The following SV2B variants were observed in gnomAD, a reference collection of about 807,000 sequenced individuals.
SV2B encodes the protein solute carrier family 22 member B2.
In SV2B, 41 loss-of-function variants were observed where a neutral mutation model predicts 73.9. The ratio of observed to expected loss-of-function variants is 0.56; its 90% CI spans 0.43 to 0.72. The LOEUF is 0.72. SV2B is among the 30% of genes least tolerant of loss of function. The pLI is 0.00. For synonymous variants in SV2B, 314 were observed against 314.2 expected (o/e 1.00, Z 0.01); for missense variants, 764 against 857.8 (o/e 0.89, Z 1.37).
chr15:91,116,009 A>C (rs993609066), intron 1 of SV2B, among the ~76,000 whole-genome samples: 1 of 152,192 alleles, frequency 6.6e-6, no homozygotes, highest in Non-Finnish European at 1.5e-5. Context: ...TATATAATAC[A>C]TTATTATATG....
Position 91,251,980 on chromosome 15 carries a change from C to T in SV2B, c.613C>T (p.Arg205Ter), listed in dbSNP as rs767247777. Residue 205 changes from arginine (R) to a stop codon, truncating the protein, a stop_gained, in exon 3 of 13, where the codon CGA becomes TGA. Transcript: ENST00000394232. LOFTEE classifies it high-confidence loss of function. ...VQGYGAFLFCRLISGIGIGGA... is the reference protein window; with the variant it reads ...VQGYGAFLFC ...GGGATATGGAGCCTTCCTCTTCTGC[C>T]GACTCATCTCAGGCATCGGGTATGT... The T allele has an allele frequency of 3.7e-6, 6 of 1,613,892 alleles. No homozygotes were observed. Among genetic ancestry groups the T allele is most frequent in the East Asian group, 2.2e-5 (1 of 44,886 alleles).
At chr15:91,208,711 T>A (rs964554022) in intron 1 of SV2B, among the ~76,000 whole-genome samples, 2 of 152,180 alleles carry the variant, frequency 1.3e-5, no homozygotes, top group Non-Finnish European at 2.9e-5. Flanking sequence ...ACCCTCTATG[T>A]AAGAAAGCAA....
Position 91,130,774 on chromosome 15 carries a change from G to A in SV2B, c.-392+30411G>A, listed in dbSNP as rs967513702. On this transcript the variant is annotated intron_variant, in intron 1 of 12. Transcript: ENST00000394232. This position sits in a 1 kb window ranked among gnomAD's most constrained non-coding sequence, Gnocchi z 5.6. ...CACGGTTCAGTGAGTCCTTCAAGAC[G>A]TTCGGAGGTGAAAGCAAGGGGAGAA... 2.6e-5 allele frequency among the ~76,000 whole-genome samples: 4 copies of A among 152,162 alleles called. No individual in the cohort carries two copies. Among genetic ancestry groups the A allele is most frequent in the Non-Finnish European group, 5.9e-5 (4 of 68,034 alleles).
At chr15:91,192,747 A>G (rs1355183929) in intron 1 of SV2B, among the ~76,000 whole-genome samples, 1 of 152,260 alleles carries the variant, frequency 6.6e-6, no homozygotes, top group Non-Finnish European at 1.5e-5. Context: ...ATTTTACAAA[A>G]TCACAGAGTT....
intron 1 of SV2B, among the ~76,000 whole-genome samples, chr15:91,168,301 C>CGAGAGAGAGAGAGAGAGA (rs113991291): frequency 0.02 from 2,744 of 137,166 alleles, 50 homozygotes; most frequent in Middle Eastern, 0.051. Context: ...TGGTGAGATA[C>CGAGAGAGAGAGAGAGAGA]GAGAGAGAGA....
chr15:91,271,949 A>G (rs778069500), intron 9 of SV2B, among the ~76,000 whole-genome samples: 3 of 152,216 alleles, frequency 2.0e-5, no homozygotes, highest in Non-Finnish European at 4.4e-5. Flanking sequence ...ATTGAGTATC[A>G]CGCATGGTGG....
chr15:91,178,550 A>T (rs1567318288), intron 1 of SV2B, among the ~76,000 whole-genome samples: 1 of 152,100 alleles, frequency 6.6e-6, no homozygotes, highest in Non-Finnish European at 1.5e-5. Context: ...TAAGCTATTG[A>T]TTATTGCCAC....
Position 91,253,692 on chromosome 15 carries a change from C to T in SV2B, c.784+1172C>T, listed in dbSNP as rs1369780734. Among the ~76,000 whole-genome samples, 5 of 152,196 alleles carry T rather than the reference C, an allele frequency of 3.3e-5. No homozygotes were observed. The highest frequency in any genetic ancestry group is 6.5e-5 in the Admixed American group (1 of 15,284). ...TTCAACCTACAGCTTACAAGGTCTC[C>T]GGTTTGGGGAAAGAGAATGGGCAGT... On this transcript the variant is annotated intron_variant, in intron 4 of 12. Coordinates refer to ENST00000394232, the MANE Select transcript of SV2B (RefSeq NM_001323032.3). This position sits in a 1 kb window ranked among gnomAD's most constrained non-coding sequence, Gnocchi z 5.0.
intron 1 of SV2B, among the ~76,000 whole-genome samples, chr15:91,135,855 C>G (rs191632545): frequency 3.3e-5 from 5 of 152,232 alleles, no homozygotes; most frequent in Admixed American, 3.3e-4. Flanking sequence ...GTTCATGAAG[C>G]CTGAATTGTA....
At position 91,240,941 on chromosome 15, in the gene SV2B, T is replaced by C. The variant is rs978066902; in HGVS notation, c.452-10878T>C. ...ACATTTCCAGGCCATTCTCCCTCTC[T>C]CCTCACTAAAAGATCTCATATTCGA... On this transcript the variant is annotated intron_variant, in intron 2 of 12. Transcript: ENST00000394232. The surrounding 1 kb of genome is among the most constrained non-coding windows in gnomAD (Gnocchi z 4.6). Among the ~76,000 whole-genome samples, 3 of 152,140 alleles carry C rather than the reference T, an allele frequency of 2.0e-5. No individual in the cohort carries two copies. The highest frequency in any genetic ancestry group is 4.4e-5 in the Non-Finnish European group (3 of 68,014).
rs565344259 is a variant in SV2B, at chr15:91,289,953, G to A, written c.1868+273G>A. 1.3e-5 allele frequency among the ~76,000 whole-genome samples: 2 copies of A among 152,308 alleles called. No homozygotes were observed. The highest frequency in any genetic ancestry group is 4.1e-4 in the South Asian group (2 of 4,826). On this transcript the variant is annotated intron_variant, in intron 12 of 12. Coordinates refer to ENST00000394232, the MANE Select transcript of SV2B (RefSeq NM_001323032.3). The surrounding 1 kb of genome is among the most constrained non-coding windows in gnomAD (Gnocchi z 4.9). ...AGAAGGAAATAAGAGTGAAAAGTTG[G>A]TAAAACCATATGTGTCATGTAATCC...
At chr15:91,215,419 T>C (rs2045991500) in intron 1 of SV2B, among the ~76,000 whole-genome samples, 1 of 152,134 alleles carries the variant, frequency 6.6e-6, no homozygotes, top group Non-Finnish European at 1.5e-5. Flanking sequence ...ACCAGGTGAT[T>C]CTCTCCTGCA....
intron 1 of SV2B, among the ~76,000 whole-genome samples, chr15:91,131,088 G>A (rs1252449363): frequency 6.6e-6 from 1 of 151,610 alleles, no homozygotes; most frequent in Non-Finnish European, 1.5e-5. Context: ...ATGAACTAGC[G>A]AGTGAGGTCA....
chr15:91,261,194 C>T lies in SV2B; in HGVS notation c.1008+785C>T, dbSNP rs1272194018. 6.6e-6 allele frequency among the ~76,000 whole-genome samples: 1 copy of T among 151,910 alleles called. No individual in the cohort carries two copies. On this transcript the variant is annotated intron_variant, in intron 6 of 12. Transcript: ENST00000394232. The surrounding 1 kb of genome is among the most constrained non-coding windows in gnomAD (Gnocchi z 4.7). ...AGGAGAATTGCTTGAACCCAGGATG[C>T]AGAGGTTGCAGTGAGCTGAGATAGT... is the stretch of plus-strand genomic sequence containing the variant.
At chr15:91,158,669 CTCTTCTCTTCTCTTCTCTTCTCTTCTCTT>C (rs2043581252) in intron 1 of SV2B, among the ~76,000 whole-genome samples, 1 of 65,416 alleles carries the variant, frequency 1.5e-5, no homozygotes, top group Non-Finnish European at 3.2e-5. Context: ...CTCTTCTCTT[CTCTTCTCTTCTCTTCTCTTCTCTTCTCTT>C]CTCTCCTCTC....
intron 2 of SV2B, among the ~76,000 whole-genome samples, chr15:91,251,193 C>A (rs8034568): frequency 0.28 from 42,153 of 152,040 alleles, 6,409 homozygotes; most frequent in African/African-American, 0.4. Context: ...AAGAACACAC[C>A]ATAGGGGGAA....
chr15:91,125,938 T>A (rs934610901), intron 1 of SV2B, among the ~76,000 whole-genome samples: 2 of 151,828 alleles, frequency 1.3e-5, no homozygotes, highest in Non-Finnish European at 2.9e-5. Flanking sequence ...GTGGTGGTGA[T>A]GATGATGATG....
chr15:91,192,571 C>T (rs2045079140), intron 1 of SV2B, among the ~76,000 whole-genome samples: 1 of 152,164 alleles, frequency 6.6e-6, no homozygotes, highest in Non-Finnish European at 1.5e-5. Context: ...AACAATGTGA[C>T]ATTCTTGATG....
At position 91,244,040 on chromosome 15, in the gene SV2B, T is replaced by C. The variant is rs1488494115; in HGVS notation, c.452-7779T>C. Among the ~76,000 whole-genome samples the C allele has an allele frequency of 5.3e-5, 8 of 152,314 alleles. No individual in the cohort carries two copies. In the South Asian group the frequency reaches 8.3e-4, roughly 16 times the overall value. On this transcript the variant is annotated intron_variant, in intron 2 of 12. Transcript: ENST00000394232. Reference sequence around the variant, plus strand: ...AGTGTATCTTTCTTCATGGGCTATGTCATAATTTGGGGCATTGGTGACTCA... The same window carrying C: ...AGTGTATCTTTCTTCATGGGCTATGCCATAATTTGGGGCATTGGTGACTCA...
Sources: allele counts gnomAD v4.1 joint callset (sites outside exome capture counted in the v4.1 genomes callset), GRCh38; gene constraint gnomAD v4.1.1; non-coding constraint Gnocchi (gnomAD v3.1); transcripts MANE v1.5; gene names NCBI Gene and HGNC (gene_info 2026-07-23, HGNC 2026-07-21).